The following USP7 variants were observed in gnomAD, a reference collection of about 807,000 sequenced individuals.
The protein encoded by USP7 is ubiquitin specific peptidase 7.
USP7 carries 9 observed loss-of-function variants against 162.9 expected under a neutral mutation model. The ratio of observed to expected loss-of-function variants is 0.06; its 90% CI spans 0.03 to 0.10. USP7 has a LOEUF of 0.10. USP7 is among the 10% of genes least tolerant of loss of function. USP7 has a pLI of 1.00. For missense variants in USP7, 715 were observed against 1,373.7 expected, an observed-to-expected ratio of 0.52 and a Z score of 7.58; for synonymous variants, 562 against 475.9, an observed-to-expected ratio of 1.18 and a Z score of -2.35.
intron 3 of USP7, 128 bp from the exon 4 acceptor site, chr16:8,921,423 G>T: frequency 8.9e-7 from 1 of 1,119,820 alleles, no homozygotes. Flanking sequence ...TTCGGGTTGG[G>T]GTTAAAGGTA....
chr16:8,906,079 G>T (rs1466352658), intron 13 of USP7, among the ~76,000 whole-genome samples: 1 of 152,200 alleles, frequency 6.6e-6, no homozygotes, highest in Non-Finnish European at 1.5e-5. Flanking sequence ...GGACCAGGGG[G>T]CACGCAGAGG....
intron 10 of USP7, among the ~76,000 whole-genome samples, chr16:8,914,820 G>A (rs903448376): frequency 7.2e-5 from 11 of 152,166 alleles, no homozygotes; most frequent in African/African-American, 2.7e-4. Context: ...TGGGGAAGCT[G>A]AAGCAGGAGG....
At chr16:8,936,985 G>T (rs907280996) in intron 1 of USP7, among the ~76,000 whole-genome samples, 6 of 152,134 alleles carry the variant, frequency 3.9e-5, no homozygotes, top group Admixed American at 3.9e-4. Flanking sequence ...CAGGCGCTCT[G>T]TCATAATTTT....
Position 8,904,502 on chromosome 16 carries a change from T to C in USP7, c.1637A>G (p.Glu546Gly). ...CTTCTGAGCCTCGATCCTTTTCTCT[T>C]CTTGTAATCGCTCCACCAACTGCTG... is the stretch of plus-strand genomic sequence containing the variant. The part of the protein sequence containing the change: ...IPQQLVERLQ[E>G]EKRIEAQKRK... The change falls in exon 15 of 31, where the codon GAA becomes GGA. Residue 546 changes from glutamate to glycine, a missense_variant. By Grantham distance (98) the Glu-to-Gly change is moderately conservative (BLOSUM62 -2). Transcript: ENST00000344836. The C allele has an allele frequency of 1.2e-6, 2 of 1,614,178 alleles. No individual in the cohort carries two copies. Among genetic ancestry groups the C allele is most frequent in the Non-Finnish European group, 1.7e-6 (2 of 1,180,040 alleles).
At chr16:8,916,670 C>T (rs1596373892) in intron 7 of USP7, 114 bp from the exon 8 acceptor site, 1 of 1,082,248 alleles carries the variant, frequency 9.2e-7, no homozygotes, top group Non-Finnish European at 1.3e-6. Flanking sequence ...TCTCAAATTC[C>T]TTTTCTGTGA....
chr16:8,937,664 A>C (rs1044194238), intron 1 of USP7, among the ~76,000 whole-genome samples: 1 of 152,246 alleles, frequency 6.6e-6, no homozygotes, highest in East Asian at 1.9e-4. Context: ...CCTGGGCAAC[A>C]AAGCAAGACC....
Position 8,963,361 on chromosome 16 carries a change from G to GGGCGGC in USP7, c.-82_-77dup, listed in dbSNP as rs920151583. On this transcript the variant is annotated 5_prime_UTR_variant, in exon 1 of 31. Transcript: ENST00000344836. The stretch of plus-strand genomic sequence containing the variant: ...CCGGCGGGCGGGCGGCGGCGAGCCG[G>GGGCGGC]GGCGGCGGCGGCGGCGGCGGCGGCG... 8.9e-5 allele frequency: 40 copies of GGGCGGC among 448,256 alleles called. No homozygotes were observed. Among genetic ancestry groups the GGGCGGC allele is most frequent in the African/African-American group, 3.1e-4 (14 of 45,714 alleles). The allele number at this position is 448,256 out of a possible 1,614,324, so 27.8% of individuals were successfully genotyped here.
intron 1 of USP7, chr16:8,935,659 T>C (rs1234732883): frequency 6.6e-6 from 1 of 152,232 alleles, no homozygotes; most frequent in African/African-American, 2.4e-5. Flanking sequence ...ATAATACGCA[T>C]ATCCCACTCA....
intron 1 of USP7, among the ~76,000 whole-genome samples, chr16:8,961,722 A>C (rs1382059090): frequency 6.6e-6 from 1 of 152,212 alleles, no homozygotes; most frequent in East Asian, 1.9e-4. Context: ...GAAACTGAAA[A>C]GCAACCCTCT....
Position 8,916,188 on chromosome 16 carries a change from C to T in USP7, c.906+314G>A, listed in dbSNP as rs569161627. Reference sequence around the variant, plus strand: ...CCACTGTACAGTGACTCAGGACCAACGGGACAGCCAACAAAGCCAGTCTTT... The same window carrying T: ...CCACTGTACAGTGACTCAGGACCAATGGGACAGCCAACAAAGCCAGTCTTT... On this transcript the variant is annotated intron_variant, in intron 8 of 30. Coordinates refer to ENST00000344836, the MANE Select transcript of USP7 (RefSeq NM_003470.3). Among the ~76,000 whole-genome samples, 8 of 152,266 alleles carry T rather than the reference C, an allele frequency of 5.3e-5. No homozygotes were observed. In the South Asian group the frequency reaches 1.2e-3, roughly 24 times the overall value.
rs1900091713 is a variant in USP7, at chr16:8,963,210, C to T, written c.76G>A (p.Glu26Lys). The T allele has an allele frequency of 1.4e-6, 2 of 1,418,884 alleles. No homozygotes were observed. The highest frequency in any genetic ancestry group is 4.4e-4 in the Middle Eastern group (2 of 4,572). The allele number at this position is 1,418,884 out of a possible 1,614,324, so 87.9% of individuals were successfully genotyped here. A position where few individuals can be genotyped will look rare whatever the true frequency, so the allele number is the denominator to read the frequency against. The change falls in exon 1 of 31, where the codon GAA becomes AAA. Residue 26 changes from glutamate to lysine, a missense_variant. Glu to Lys is a moderately conservative substitution (Grantham distance 56). This residue lies in a region of USP7 where 137 missense variants were observed against 123.5 expected (regional missense o/e 1.11). Transcript: ENST00000344836. Reference protein sequence around the residue: ...QLSEPEDMEMEAGDTDDPPRI... With the variant: ...QLSEPEDMEMKAGDTDDPPRI... ...GCGGCCGGCCCTCGGGCCTCACCTT[C>T]CATCTCCATGTCCTCGGGCTCGCTC... is the stretch of plus-strand genomic sequence containing the variant.
chr16:8,955,620 C>T (rs1403588597), intron 1 of USP7, among the ~76,000 whole-genome samples: 2 of 146,604 alleles, frequency 1.4e-5, no homozygotes, highest in African/African-American at 2.5e-5. Flanking sequence ...GCAGGGGAAT[C>T]GCTTGAACCT....
At chr16:8,918,354 A>G (rs1348006715) in intron 6 of USP7, among the ~76,000 whole-genome samples, 1 of 152,242 alleles carries the variant, frequency 6.6e-6, no homozygotes, top group Admixed American at 6.5e-5. Context: ...TATTAGATTT[A>G]ATGTATGTCT....
chr16:8,931,062 T>A (rs369977152), intron 1 of USP7, among the ~76,000 whole-genome samples: 122 of 152,338 alleles, frequency 8.0e-4, no homozygotes, highest in African/African-American at 2.8e-3. Flanking sequence ...AAAGTCATTA[T>A]TTTACTATAG....
At chr16:8,919,252 C>T (rs1368362020) in intron 5 of USP7, 113 bp from the exon 6 acceptor site, 2 of 971,488 alleles carry the variant, frequency 2.1e-6, no homozygotes, top group Non-Finnish European at 3.2e-6. Context: ...GCCAGGAACA[C>T]TTATCACACA....
chr16:8,898,141 C>T (rs558259484), intron 25 of USP7, among the ~76,000 whole-genome samples: 371 of 152,234 alleles, frequency 2.4e-3, no homozygotes, highest in Non-Finnish European at 3.9e-3. Context: ...GGGTTGGCTG[C>T]CGAATGGTTC....
intron 1 of USP7, among the ~76,000 whole-genome samples, chr16:8,951,415 C>A (rs1307495913): frequency 6.6e-6 from 1 of 152,142 alleles, no homozygotes; most frequent in African/African-American, 2.4e-5. Flanking sequence ...AAGGACACCA[C>A]CCCAACTGGC....
At chr16:8,907,765 G>A (rs1350610693) in intron 12 of USP7, among the ~76,000 whole-genome samples, 1 of 152,194 alleles carries the variant, frequency 6.6e-6, no homozygotes, top group Non-Finnish European at 1.5e-5. Flanking sequence ...AGTGAGCCAT[G>A]ATCATGCCAC....
intron 1 of USP7, among the ~76,000 whole-genome samples, chr16:8,959,397 T>C (rs1043561019): frequency 4.0e-5 from 6 of 151,408 alleles, no homozygotes; most frequent in Non-Finnish European, 8.8e-5. Context: ...TATTTACTAG[T>C]ATCGATCATT....
Sources: gnomAD v4.1 joint callset for allele counts (sites outside exome capture counted in the v4.1 genomes callset) on GRCh38, gnomAD v4.1.1 for gene constraint, gnomAD v4.1.1 regional missense constraint, MANE v1.5 for transcripts, NCBI Gene and HGNC (gene_info 2026-07-23, HGNC 2026-07-21) for gene names.